SLC38A7: variants seen among roughly 807,000 people sequenced by gnomAD.
The protein encoded by SLC38A7 is solute carrier family 38 member 7, also known as sodium-coupled neutral amino acid transporter 7.
Under a neutral mutation model 50.1 loss-of-function variants are expected in SLC38A7, and 29 were observed. That is an observed-to-expected ratio of 0.58 (90% CI 0.43 to 0.79). The LOEUF (loss-of-function observed/expected upper bound fraction) is 0.79, where lower values mean the gene tolerates loss of function less well. Among genes scored for constraint, SLC38A7 ranks in the 30% least tolerant of loss-of-function variants. SLC38A7 has a pLI of 0.00. For synonymous variants in SLC38A7, 244 were observed against 245.9 expected, an observed-to-expected ratio of 0.99 and a Z score of 0.07; for missense variants, 483 against 610.6, an observed-to-expected ratio of 0.79 and a Z score of 2.20.
rs777851668 is a variant in SLC38A7 at position 58,677,396 on chromosome 16, C to T, written c.640G>A (p.Val214Ile). The T allele has an allele frequency of 2.3e-5, 37 of 1,613,924 alleles. No homozygotes were observed. Among genetic ancestry groups the T allele is most frequent in the African/African-American group, 6.7e-5 (5 of 74,870 alleles). ...SFLSVVGTWY[V>I]TAIVIIKYIW... Reference sequence around the variant, plus strand: ...TACTTGATGATAACGATGGCTGTGACGTACCAGGTACCCACGACGCTCAGG... The same window carrying T: ...TACTTGATGATAACGATGGCTGTGATGTACCAGGTACCCACGACGCTCAGG... Residue 214 changes from valine (V) to isoleucine (I), a missense_variant, in exon 6 of 12, where the codon GTC becomes ATC. Transcript: ENST00000219320.
chr16:58,673,681 T>TTTA (rs1555506549), intron 8 of SLC38A7, among the ~76,000 whole-genome samples: 121 of 149,106 alleles, frequency 8.1e-4, no homozygotes, highest in East Asian at 5.9e-3. Context: ...TTTTTTTTTT[T>TTTA]AAAGACAGGA....
In SLC38A7 at chr16:58,675,930, GA is replaced by G. The variant is rs747214134; in HGVS notation, c.883+9del. On this transcript the variant is annotated intron_variant, in intron 8 of 11. Transcript: ENST00000219320. Reference sequence around the variant, plus strand: ...TCTAGTCCCAGGTCTTGGGGGGGGGGAGCACTCACCTGTCCCCATGTAGACA... The same window carrying G: ...TCTAGTCCCAGGTCTTGGGGGGGGGGGCACTCACCTGTCCCCATGTAGACA... 3.8e-6 allele frequency: 6 copies of G among 1,583,814 alleles called. No individual in the cohort carries two copies. In the Admixed American group the frequency reaches 5.2e-5, roughly 14 times the overall value.
At chr16:58,676,244 G>C (rs1597672930) in intron 7 of SLC38A7, 45 bp downstream of exon 7, 1 of 1,613,128 alleles carries the variant, frequency 6.2e-7, no homozygotes, top group African/African-American at 1.3e-5. Flanking sequence ...CCCAGGGTGG[G>C]GTGATCTAAG....
intron 8 of SLC38A7, among the ~76,000 whole-genome samples, chr16:58,673,830 ATT>A (rs1212854298): frequency 6.8e-6 from 1 of 146,568 alleles, no homozygotes; most frequent in Non-Finnish European, 1.5e-5. Flanking sequence ...TGCCTGGCTA[ATT>A]TTTTTTTTTT....
rs200848062 is a variant in SLC38A7 at position 58,671,261 on chromosome 16, G to A, written c.1032-17C>T. 2.8e-5 allele frequency: 45 copies of A among 1,609,036 alleles called. No individual in the cohort carries two copies. Among genetic ancestry groups the A allele is most frequent in the Non-Finnish European group, 3.7e-5 (44 of 1,176,752 alleles). Reference sequence around the variant, plus strand: ...ACCACCGCCCTGCCCACATGGAGAAGGGCTTAGAGGTGCCCCTGCTGCTAG... The same window carrying A: ...ACCACCGCCCTGCCCACATGGAGAAAGGCTTAGAGGTGCCCCTGCTGCTAG... On this transcript the variant is annotated splice_polypyrimidine_tract_variant and intron_variant, in intron 9 of 11. Transcript: ENST00000219320.
chr16:58,675,346 G>GAAAAAAA, intron 8 of SLC38A7: 1 of 327,810 alleles, frequency 3.1e-6, no homozygotes, highest in Non-Finnish European at 5.8e-6. Context: ...GTCTCTGCTA[G>GAAAAAAA]AAAAAAAAAA....
At chr16:58,675,895 G>T (rs1175437985) in intron 8 of SLC38A7, 45 bp downstream of exon 8, 2 of 1,491,634 alleles carry the variant, frequency 1.3e-6, no homozygotes, top group Non-Finnish European at 1.8e-6. Flanking sequence ...TCCTGTGGAA[G>T]TGAGAGCACT....
chr16:58,678,340 A>G lies in SLC38A7; in HGVS notation c.604T>C (p.Tyr202His). The G allele has an allele frequency of 6.4e-7, 1 of 1,558,632 alleles. No individual in the cohort carries two copies. The highest frequency in any genetic ancestry group is 8.7e-7 in the Non-Finnish European group (1 of 1,153,052). ...AGGCTGGGGCCTCCAAACCTGGCAT[A>G]TTTCTGGAAACCAATCTCCCTGGGG... is the stretch of plus-strand genomic sequence containing the variant. ...SIPREIGFQK[Y>H]ASFLSVVGTW... Residue 202 changes from tyrosine (Y) to histidine (H), a missense_variant, in exon 5 of 12, where the codon TAT becomes CAT. By Grantham distance (83) the Tyr-to-His change is moderately conservative (BLOSUM62 2). Transcript: ENST00000219320. This position sits in a 1 kb window ranked among gnomAD's most constrained non-coding sequence, Gnocchi z 4.0.
At chr16:58,668,627 G>T (rs1354957532) in intron 11 of SLC38A7, among the ~76,000 whole-genome samples, 1 of 140,556 alleles carries the variant, frequency 7.1e-6, no homozygotes, top group East Asian at 2.1e-4. Flanking sequence ...CAGGAGAATC[G>T]CTTGAACCCG....
At chr16:58,671,584 C>T (rs759252334) in intron 9 of SLC38A7, 28 of 358,216 alleles carry the variant, frequency 7.8e-5, no homozygotes, top group Non-Finnish European at 1.3e-4. Context: ...TTTTTTGAGA[C>T]AGGGTCTGGC....
rs117388966 is a variant in SLC38A7 at position 58,673,697 on chromosome 16, C to T, written c.884-1454G>A. 2.6e-3 allele frequency among the ~76,000 whole-genome samples: 371 copies of T among 140,156 alleles called. 1 individual carries two copies. The highest frequency in any genetic ancestry group is 4.3e-3 in the Non-Finnish European group (285 of 65,794). 91.9% of individuals were successfully genotyped at this position (140,156 alleles called of 152,430 possible). ...TTTTTTTTTTAAAGACAGGATCTTG[C>T]TCTGTCACTCAGGCTGGAGTGAAGT... On this transcript the variant is annotated intron_variant, in intron 8 of 11. Coordinates refer to ENST00000219320, the MANE Select transcript of SLC38A7 (RefSeq NM_018231.3).
At chr16:58,669,103 CTTTTTTTTTTTTTTTTT>C (rs71155293) in intron 11 of SLC38A7, among the ~76,000 whole-genome samples, 2 of 54,594 alleles carry the variant, frequency 3.7e-5, no homozygotes, top group Admixed American at 2.7e-4. Flanking sequence ...GTTTGTATGG[CTTTTTTTTTTTTTTTTT>C]TTTTTTTTTT....
rs1296195188 is a variant in SLC38A7, at chr16:58,665,758, G to T, written c.*1627C>A. On this transcript the variant is annotated 3_prime_UTR_variant, in exon 12 of 12. Transcript: ENST00000219320. The stretch of plus-strand genomic sequence containing the variant: ...AATATAGTGGGGAGTAGGGTGGGAG[G>T]TGGGGAGATAGCCTATCTCTTCGCC... 1.3e-5 allele frequency: 2 copies of T among 152,234 alleles called. No individual in the cohort carries two copies. The highest frequency in any genetic ancestry group is 4.8e-5 in the African/African-American group (2 of 41,410). The allele number at this position is 152,234 out of a possible 1,614,324, so 9.4% of individuals were successfully genotyped here. A position where few individuals can be genotyped will look rare whatever the true frequency, so the allele number is the denominator to read the frequency against.
chr16:58,672,569 C>A (rs1393209016), intron 8 of SLC38A7, among the ~76,000 whole-genome samples: 1 of 152,202 alleles, frequency 6.6e-6, no homozygotes, highest in African/African-American at 2.4e-5. Context: ...GTTTAGATGT[C>A]CTTCCTCAGA....
chr16:58,674,763 G>A (rs2044229517), intron 8 of SLC38A7, among the ~76,000 whole-genome samples: 2 of 152,170 alleles, frequency 1.3e-5, no homozygotes, highest in African/African-American at 4.8e-5. Context: ...TCCTGGCTGT[G>A]TATTCAGAGG....
chr16:58,670,400 G>A (rs537944640), intron 10 of SLC38A7, among the ~76,000 whole-genome samples: 9 of 152,346 alleles, frequency 5.9e-5, no homozygotes. Context: ...CTCAGCTAAA[G>A]GGACAGCACT....
rs567912746 is a variant in SLC38A7, at chr16:58,674,078, GCCTCTCAAAGT to G, written c.884-1846_884-1836del. 6.7e-4 allele frequency among the ~76,000 whole-genome samples: 102 copies of G among 152,160 alleles called. 1 individual carries two copies. In the South Asian group the frequency reaches 0.021, roughly 31 times the overall value. On this transcript the variant is annotated intron_variant, in intron 8 of 11. Coordinates refer to ENST00000219320, the MANE Select transcript of SLC38A7 (RefSeq NM_018231.3). ...GGCCTCAAGTGATTCACCCACCTTG[GCCTCTCAAAGT>G]CCTGGGATTACAGGCGTGAGCCACC...
rs2044020408 is a variant in SLC38A7 at position 58,665,606 on chromosome 16, C to T, written c.*1779G>A. 6.6e-6 allele frequency: 1 copy of T among 152,332 alleles called. No homozygotes were observed. The highest frequency in any genetic ancestry group is 1.5e-5 in the Non-Finnish European group (1 of 68,214). The allele number at this position is 152,332 out of a possible 1,614,324, so 9.4% of individuals were successfully genotyped here. A position where few individuals can be genotyped will look rare whatever the true frequency, so the allele number is the denominator to read the frequency against. On this transcript the variant is annotated 3_prime_UTR_variant, in exon 12 of 12. Transcript: ENST00000219320. ...CAGGGGGTCCCTCTCGTACCCTTTACAGAGGTTTTGGGGAAGAGGGGACAA... is the reference window on the plus strand; with the variant it reads ...CAGGGGGTCCCTCTCGTACCCTTTATAGAGGTTTTGGGGAAGAGGGGACAA...
At position 58,676,069 on chromosome 16, in the gene SLC38A7, G is replaced by T; in HGVS notation, c.769-15C>A. 6.2e-7 allele frequency: 1 copy of T among 1,610,292 alleles called. No homozygotes were observed. Among genetic ancestry groups the T allele is most frequent in the East Asian group, 2.2e-5 (1 of 44,730 alleles). On this transcript the variant is annotated splice_polypyrimidine_tract_variant and intron_variant, in intron 7 of 11. Transcript: ENST00000219320. ...CTGACGTGGCACTGTCCAGGTGAAG[G>T]GCACCGTCATGGTGGGGAAATGACC...
Sources: allele counts gnomAD v4.1 joint callset (sites outside exome capture counted in the v4.1 genomes callset), GRCh38; gene constraint gnomAD v4.1.1; non-coding constraint Gnocchi (gnomAD v3.1); transcripts MANE v1.5; gene names NCBI Gene and HGNC (gene_info 2026-07-23, HGNC 2026-07-21).